The following ERCC6 variants were observed in gnomAD, a reference collection of about 807,000 sequenced individuals.
The protein encoded by ERCC6 is ERCC excision repair 6, chromatin remodeling factor, also known as DNA excision repair protein ERCC-6.
ERCC6 carries 116 observed loss-of-function variants against 158.7 expected under a neutral mutation model. The ratio of observed to expected loss-of-function variants is 0.73; its 90% CI spans 0.63 to 0.85. ERCC6 has a LOEUF of 0.85. ERCC6 is among the 40% of genes least tolerant of loss of function. The pLI is 0.00. For synonymous variants in ERCC6, 678 were observed against 659.3 expected (o/e 1.03, Z -0.43); for missense variants, 1,698 against 1,799.4 (o/e 0.94, Z 1.02).
intron 6 of ERCC6, chr10:49,502,894 G>A (rs1300198074): frequency 6.6e-6 from 1 of 152,176 alleles, no homozygotes; most frequent in Non-Finnish European, 1.5e-5. Flanking sequence ...GCTGGTTCAT[G>A]AACTGGCTAC....
intron 18 of ERCC6, among the ~76,000 whole-genome samples, chr10:49,467,788 T>C (rs1329081039): frequency 6.6e-6 from 1 of 151,960 alleles, no homozygotes; most frequent in African/African-American, 2.4e-5. Context: ...AGGCTGGTTT[T>C]GAACTCCTAG....
chr10:49,452,893 T>C (rs573213573), downstream of ERCC6, among the ~76,000 whole-genome samples: 38 of 152,290 alleles, frequency 2.5e-4, no homozygotes, highest in African/African-American at 8.7e-4. Context: ...CCAGCTTTCT[T>C]ATGGCAATTG....
chr10:49,533,553 C>T (rs1384245125), intron 1 of ERCC6, among the ~76,000 whole-genome samples: 1 of 152,144 alleles, frequency 6.6e-6, no homozygotes, highest in African/African-American at 2.4e-5. Context: ...GAGGCCAAAG[C>T]GGGAGGATAG....
chr10:49,505,383 CA>C (rs1165214785), intron 6 of ERCC6: 1 of 152,878 alleles, frequency 6.5e-6, no homozygotes, highest in Non-Finnish European at 1.5e-5. Context: ...TGACATCCTA[CA>C]TAAAATATTT....
rs776149423 is a variant in ERCC6, at chr10:49,524,072, C to T, written c.1358G>A (p.Arg453Gln). The T allele has an allele frequency of 1.9e-6, 3 of 1,613,820 alleles. No homozygotes were observed. Among genetic ancestry groups the T allele is most frequent in the Admixed American group, 1.7e-5 (1 of 60,004 alleles). ...ATAATAATCTTCATCTCCATCATCT[C>T]GGTATCTTCCCACTTTCCGACCTCC... ...GGGGRKVGRY[R>Q]DDGDEDYYKQ... The change falls in exon 5 of 21, where the codon CGA becomes CAA. Residue 453 changes from arginine to glutamine, a missense_variant. Arg to Gln is a conservative substitution (Grantham distance 43, BLOSUM62 1). Transcript: ENST00000355832.
chr10:49,536,960 T>C (rs1256914612), intron 1 of ERCC6, among the ~76,000 whole-genome samples: 2 of 152,158 alleles, frequency 1.3e-5, no homozygotes, highest in African/African-American at 4.8e-5. Context: ...AGTCACTTAG[T>C]ATCTGGCAAT....
chr10:49,440,477 G>T, the ERCC6 span, among the ~76,000 whole-genome samples: 1 of 152,170 alleles, frequency 6.6e-6, no homozygotes, highest in African/African-American at 2.4e-5. Flanking sequence ...AGATTTGGGT[G>T]GGGGCACAGC....
chr10:49,515,388 T>C (rs1169828939), intron 5 of ERCC6: 1 of 1,613,928 alleles, frequency 6.2e-7, no homozygotes, highest in East Asian at 2.2e-5. Context: ...ATCACATTTT[T>C]CACATCGAAA....
At chr10:49,493,007 A>G in intron 8 of ERCC6, 110 bp downstream of exon 8, 2 of 1,170,130 alleles carry the variant, frequency 1.7e-6, no homozygotes, top group Non-Finnish European at 1.2e-6. Context: ...AAATGCAGGA[A>G]AAAAAACACA....
chr10:49,450,978 A>AT (rs1462972730), downstream of ERCC6, among the ~76,000 whole-genome samples: 2 of 151,792 alleles, frequency 1.3e-5, no homozygotes, highest in Non-Finnish European at 2.9e-5. Context: ...CGCCTGGCTA[A>AT]TTTTTTGTAT....
intron 1 of ERCC6, among the ~76,000 whole-genome samples, chr10:49,534,170 A>G (rs1837543218): frequency 6.7e-6 from 1 of 148,390 alleles, no homozygotes; most frequent in African/African-American, 2.5e-5. Flanking sequence ...AAAAAACTCC[A>G]TTTTAATACA....
chr10:49,460,946 C>A (rs1453563951), intron 19 of ERCC6, among the ~76,000 whole-genome samples: 1 of 151,966 alleles, frequency 6.6e-6, no homozygotes, highest in Non-Finnish European at 1.5e-5. Context: ...CACTCAGTAT[C>A]TTGTTCAAAA....
At chr10:49,516,640 C>G (rs765420678) in intron 5 of ERCC6, 4 of 1,614,186 alleles carry the variant, frequency 2.5e-6, no homozygotes, top group Non-Finnish European at 2.5e-6. Flanking sequence ...GAGTACTTGA[C>G]AATGAGTTCA....
At chr10:49,453,474 T>G (rs1033860990), downstream of ERCC6, among the ~76,000 whole-genome samples, 9 of 152,210 alleles carry the variant, frequency 5.9e-5, no homozygotes, top group African/African-American at 1.9e-4. Context: ...TTTTGACAAA[T>G]GTTACATATA....
downstream of ERCC6, among the ~76,000 whole-genome samples, chr10:49,453,901 C>G (rs1033502027): frequency 1.3e-5 from 2 of 152,004 alleles, no homozygotes; most frequent in African/African-American, 4.8e-5. Context: ...TCAAGGTTTT[C>G]TCATCTTTGA....
chr10:49,523,090 C>T (rs1367380185), intron 5 of ERCC6, among the ~76,000 whole-genome samples: 1 of 152,140 alleles, frequency 6.6e-6, no homozygotes, highest in African/African-American at 2.4e-5. Flanking sequence ...CCAATAAATA[C>T]AACAAACTAG....
downstream of ERCC6, among the ~76,000 whole-genome samples, chr10:49,453,115 T>C (rs937684760): frequency 1.3e-5 from 2 of 152,264 alleles, no homozygotes; most frequent in South Asian, 2.1e-4. Flanking sequence ...CTTTTCATTC[T>C]CTTTTAATAT....
intron 7 of ERCC6, among the ~76,000 whole-genome samples, 198 bp from the exon 8 acceptor site, chr10:49,493,450 C>A (rs1482808382): frequency 6.6e-6 from 1 of 152,170 alleles, no homozygotes; most frequent in Non-Finnish European, 1.5e-5. Context: ...TAATCTCATT[C>A]ATCAATTAGT....
intron 5 of ERCC6, among the ~76,000 whole-genome samples, chr10:49,518,807 T>C (rs1176077577): frequency 6.6e-6 from 1 of 152,156 alleles, no homozygotes; most frequent in Non-Finnish European, 1.5e-5. Flanking sequence ...AGTATTATCT[T>C]CGCAGGAGAT....
Sources: allele counts gnomAD v4.1 joint callset (sites outside exome capture counted in the v4.1 genomes callset), GRCh38; gene constraint gnomAD v4.1.1; transcripts MANE v1.5; gene names NCBI Gene and HGNC (gene_info 2026-07-23, HGNC 2026-07-21).